The following SLC14A2 variants were observed in gnomAD, a reference collection of about 807,000 sequenced individuals.
SLC14A2 encodes the protein urea transporter 2.
SLC14A2 carries 91 observed loss-of-function variants against 104.6 expected under a neutral mutation model. The observed-to-expected ratio is 0.87, with a 90% CI of 0.73 to 1.04. The LOEUF (loss-of-function observed/expected upper bound fraction) is 1.04. Among genes scored for constraint, SLC14A2 ranks in the 50% least tolerant of loss-of-function variants. The pLI, the probability that SLC14A2 is intolerant of heterozygous loss-of-function variation, is 0.00. For missense variants in SLC14A2, 1,189 were observed against 1,156.0 expected, an observed-to-expected ratio of 1.03 and a Z score of -0.41; for synonymous variants, 476 against 466.4, an observed-to-expected ratio of 1.02 and a Z score of -0.27.
At chr18:45,244,640 T>C (rs1283330033) in intron 1 of SLC14A2, among the ~76,000 whole-genome samples, 9 of 135,008 alleles carry the variant, frequency 6.7e-5, no homozygotes, top group Non-Finnish European at 1.4e-4. Context: ...GAAAAAGGAG[T>C]GGGGGGGTGG....
chr18:45,682,877 G>A lies in SLC14A2; in HGVS notation c.*358G>A, dbSNP rs554443025. ...TGGGAGGCCGAGGCGGGTGGATCACGAGGTCAGGAGATCGAGACCATCCTG... is the reference window on the plus strand; with the variant it reads ...TGGGAGGCCGAGGCGGGTGGATCACAAGGTCAGGAGATCGAGACCATCCTG... On this transcript the variant is annotated 3_prime_UTR_variant, in exon 20 of 20. Coordinates refer to ENST00000255226, the MANE Select transcript of SLC14A2 (RefSeq NM_007163.4). The A allele has an allele frequency of 2.5e-5, 6 of 243,928 alleles. No homozygotes were observed. Among genetic ancestry groups the A allele is most frequent in the East Asian group, 9.1e-5 (1 of 10,962 alleles). 15.1% of individuals were successfully genotyped at this position (243,928 alleles called of 1,614,324 possible).
chr18:45,366,244 C>T (rs549996309), intron 1 of SLC14A2, among the ~76,000 whole-genome samples: 4 of 152,186 alleles, frequency 2.6e-5, no homozygotes, highest in Admixed American at 2.0e-4. Context: ...GCTGTCACCA[C>T]GATCACACCA....
intron 10 of SLC14A2, among the ~76,000 whole-genome samples, chr18:45,655,635 T>C (rs2085978227): frequency 6.6e-6 from 1 of 152,168 alleles, no homozygotes; most frequent in Non-Finnish European, 1.5e-5. Flanking sequence ...TGCATAGCTA[T>C]GTCTGCCATA....
chr18:45,542,035 G>GTTTTTTTTTTTGTTT (rs2043892024), intron 2 of SLC14A2, among the ~76,000 whole-genome samples: 4 of 54,206 alleles, frequency 7.4e-5, no homozygotes, highest in Non-Finnish European at 7.4e-5. Context: ...AAGAGAGAGG[G>GTTTTTTTTTTTGTTT]TTTTTTTTTT....
chr18:45,582,831 C>T (rs1479786602), intron 2 of SLC14A2, among the ~76,000 whole-genome samples: 1 of 152,122 alleles, frequency 6.6e-6, no homozygotes, highest in East Asian at 1.9e-4. Flanking sequence ...TTCAAAGTTA[C>T]CCACCCCCCT....
At chr18:45,324,204 T>A (rs1366612146) in intron 1 of SLC14A2, among the ~76,000 whole-genome samples, 2 of 152,112 alleles carry the variant, frequency 1.3e-5, no homozygotes, top group Admixed American at 6.5e-5. Context: ...CTGTTAAGGA[T>A]CCTCAGTAGT....
intron 2 of SLC14A2, among the ~76,000 whole-genome samples, chr18:45,483,721 G>T (rs2087540832): frequency 6.6e-6 from 1 of 152,170 alleles, no homozygotes; most frequent in South Asian, 2.1e-4. Flanking sequence ...CATGCCACCA[G>T]GGAGGCCTGA....
intron 1 of SLC14A2, among the ~76,000 whole-genome samples, chr18:45,463,727 T>G (rs990013930): frequency 1.3e-5 from 2 of 152,204 alleles, no homozygotes; most frequent in Admixed American, 6.5e-5. Flanking sequence ...AGCTAGTCAC[T>G]GAACCCTATG....
At chr18:45,597,870 T>C (rs1568292181) in intron 2 of SLC14A2, among the ~76,000 whole-genome samples, 1 of 152,084 alleles carries the variant, frequency 6.6e-6, no homozygotes, top group Non-Finnish European at 1.5e-5. Context: ...AGATATAATT[T>C]AGAGGTGGCA....
At chr18:45,627,817 C>T (rs138627868) in intron 4 of SLC14A2, among the ~76,000 whole-genome samples, 5 of 152,200 alleles carry the variant, frequency 3.3e-5, no homozygotes, top group Non-Finnish European at 7.4e-5. Flanking sequence ...TGAAGCCAGT[C>T]TGGCCAACAT....
At chr18:45,385,714 GTAT>G (rs2085888275) in intron 1 of SLC14A2, among the ~76,000 whole-genome samples, 1 of 152,128 alleles carries the variant, frequency 6.6e-6, no homozygotes, top group African/African-American at 2.4e-5. Context: ...AATTATTATT[GTAT>G]TATTTAAATT....
At chr18:45,294,321 C>A (rs1426367344) in intron 1 of SLC14A2, among the ~76,000 whole-genome samples, 10 of 152,126 alleles carry the variant, frequency 6.6e-5, no homozygotes, top group Admixed American at 6.5e-4. Context: ...ATTTACTTCT[C>A]TTAACTTCTA....
At position 45,296,349 on chromosome 18, in the gene SLC14A2, T is replaced by G. The variant is rs144834138; in HGVS notation, c.-125+83158T>G. On this transcript the variant is annotated intron_variant, in intron 1 of 20. Transcript: ENST00000586448. The stretch of plus-strand genomic sequence containing the variant: ...TGCCTTCCAAAGACCCTAAAACTTC[T>G]CTGCTAGTCAGAGACATCAGCTTTT... Among the ~76,000 whole-genome samples the G allele has an allele frequency of 2.0e-4, 31 of 152,330 alleles. No homozygotes were observed. The East Asian group carries it at 6.0e-3, about 29-fold the overall frequency.
intron 1 of SLC14A2, among the ~76,000 whole-genome samples, chr18:45,617,749 C>T (rs1298091897): frequency 1.3e-5 from 2 of 152,158 alleles, no homozygotes; most frequent in African/African-American, 4.8e-5. Flanking sequence ...TAGCCCCACA[C>T]ACCTGATTTT....
At chr18:45,181,632 TATTA>T in the SLC14A2 span, among the ~76,000 whole-genome samples, 1 of 152,060 alleles carries the variant, frequency 6.6e-6, no homozygotes, top group Non-Finnish European at 1.5e-5. Flanking sequence ...AAAATGACAA[TATTA>T]ATTTCAGATA....
intron 1 of SLC14A2, among the ~76,000 whole-genome samples, chr18:45,463,123 C>G (rs1344862929): frequency 6.6e-6 from 1 of 152,196 alleles, no homozygotes; most frequent in Non-Finnish European, 1.5e-5. Context: ...TCTTCTCCTA[C>G]TCACATGGTG....
At chr18:45,279,097 G>T (rs143009960) in intron 1 of SLC14A2, among the ~76,000 whole-genome samples, 1 of 152,180 alleles carries the variant, frequency 6.6e-6, no homozygotes, top group Non-Finnish European at 1.5e-5. Flanking sequence ...GATCAGTTCT[G>T]CAGGCCACAT....
At chr18:45,468,733 G>C (rs894032171) in intron 1 of SLC14A2, among the ~76,000 whole-genome samples, 1 of 152,200 alleles carries the variant, frequency 6.6e-6, no homozygotes, top group Non-Finnish European at 1.5e-5. Context: ...CCGTGAAAGA[G>C]GTTAAGGCTT....
intron 2 of SLC14A2, among the ~76,000 whole-genome samples, chr18:45,539,553 CTGGAGCCCAGCCAGGCAACCCCA>C (rs1478196866): frequency 6.6e-6 from 1 of 152,186 alleles, no homozygotes; most frequent in African/African-American, 2.4e-5. Flanking sequence ...GCCAGCTCTG[CTGGAGCCCAGCCAGGCAACCCCA>C]TGGAGCCCAG....
Sources: allele counts gnomAD v4.1 joint callset (sites outside exome capture counted in the v4.1 genomes callset), GRCh38; gene constraint gnomAD v4.1.1; transcripts MANE v1.5; gene names NCBI Gene and HGNC (gene_info 2026-07-23, HGNC 2026-07-21).